Variants in COL4A3 observed in about 807,000 individuals in gnomAD.
The protein encoded by COL4A3 is collagen alpha-3(IV) chain.
In COL4A3, 135 loss-of-function variants were observed where a neutral mutation model predicts 217.4. That is an observed-to-expected ratio of 0.62 (90% confidence interval 0.54 to 0.72). The LOEUF (loss-of-function observed/expected upper bound fraction) is 0.72, where lower values mean the gene tolerates loss of function less well. Ranked by LOEUF, COL4A3 falls within the 30% of genes least tolerant of loss-of-function variation. COL4A3 has a pLI of 0.00. For missense variants in COL4A3, 1,868 were observed against 2,119.9 expected (o/e 0.88, Z 2.33); for synonymous variants, 690 against 736.3 (o/e 0.94, Z 1.02).
At position 227,294,033 on chromosome 2, in the gene COL4A3, CTG is replaced by C. The variant is rs146225577; in HGVS notation, c.3338-454_3338-453del. The stretch of plus-strand genomic sequence containing the variant: ...GGACAACACAATTCAAACTACAACA[CTG>C]TGCTGTGACTCTTTTTCGAACCCAT... On this transcript the variant is annotated intron_variant, in intron 38 of 51. Transcript: ENST00000396578. The C allele has an allele frequency of 2.3e-3, 696 of 307,492 alleles. 3 individuals are homozygous for C. The highest frequency in any genetic ancestry group is 0.014 in the African/African-American group (637 of 45,420). The allele number at this position is 307,492 out of a possible 1,614,324, so 19.0% of individuals were successfully genotyped here.
chr2:227,238,413 CAG>C (rs553666898), intron 2 of COL4A3, among the ~76,000 whole-genome samples: 1 of 152,162 alleles, frequency 6.6e-6, no homozygotes, highest in Non-Finnish European at 1.5e-5. Context: ...TTGAAATTCA[CAG>C]ATTTTTGTCC....
rs1377112035 is a variant in COL4A3 at position 227,309,300 on chromosome 2, A to G, written c.4737A>G (p.Lys1579=). Residue 1579 remains lysine (K), a synonymous_variant, in exon 50 of 52, where the codon AAA becomes AAG. Coordinates refer to ENST00000396578, the MANE Select transcript of COL4A3 (RefSeq NM_000091.5). ...PCPHGWISLW[K]GFSFIMFTSA... is the part of the protein sequence containing the mutation. The stretch of plus-strand genomic sequence containing the variant: ...CTCACGGCTGGATTTCTCTCTGGAA[A>G]GGATTTTCATTCATCATGGTGAGGA... 6.2e-7 allele frequency: 1 copy of G among 1,613,988 alleles called. No homozygotes were observed. Among genetic ancestry groups the G allele is most frequent in the East Asian group, 2.2e-5 (1 of 44,886 alleles).
chr2:227,199,799 A>G (rs1387793968), intron 1 of COL4A3, among the ~76,000 whole-genome samples: 2 of 152,046 alleles, frequency 1.3e-5, no homozygotes, highest in Non-Finnish European at 1.5e-5. Flanking sequence ...TGTGCTTTTA[A>G]CATGCATAGT....
chr2:227,242,073 C>T (rs759189864), intron 3 of COL4A3, among the ~76,000 whole-genome samples: 1 of 152,194 alleles, frequency 6.6e-6, no homozygotes, highest in Non-Finnish European at 1.5e-5. Context: ...ACATTAAATA[C>T]CTGGGGTTAG....
chr2:227,204,081 A>G (rs914710831), intron 1 of COL4A3, among the ~76,000 whole-genome samples: 2 of 152,148 alleles, frequency 1.3e-5, no homozygotes, highest in Admixed American at 6.5e-5. Flanking sequence ...GAACAGCACT[A>G]ATATTAAGTG....
intron 1 of COL4A3, among the ~76,000 whole-genome samples, chr2:227,217,541 T>C (rs1200952161): frequency 2.0e-5 from 3 of 152,342 alleles, no homozygotes; most frequent in South Asian, 4.1e-4. Flanking sequence ...GTTTGGGCTA[T>C]AGAAAAAGCT....
intron 1 of COL4A3, among the ~76,000 whole-genome samples, chr2:227,200,190 G>A (rs1035454858): frequency 6.6e-6 from 1 of 152,142 alleles, no homozygotes; most frequent in South Asian, 2.1e-4. Context: ...GAACAGGAAC[G>A]AAGTTTGTAT....
chr2:227,280,987 TG>T lies in COL4A3; in HGVS notation c.2471del (p.Gly824AspfsTer2). ...RGAQGLPGLN[G>X]LKGQQGRRGK... ...GAGCCCAAGGACTTCCAGGCTTAAA[TG>T]GATTGAAAGGGCAACAAGGTAGGAG... On this transcript the variant is annotated frameshift_variant, in exon 31 of 52. Transcript: ENST00000396578. LOFTEE classifies it high-confidence loss of function. 1.3e-6 allele frequency: 2 copies of T among 1,562,924 alleles called. No individual in the cohort carries two copies. The highest frequency in any genetic ancestry group is 1.7e-6 in the Non-Finnish European group (2 of 1,153,014).
intron 2 of COL4A3, 151 bp downstream of exon 2, chr2:227,238,175 C>T: frequency 2.4e-6 from 1 of 410,914 alleles, no homozygotes; most frequent in South Asian, 3.1e-5. Flanking sequence ...AAACATTAAC[C>T]TAAAAAAAAA....
chr2:227,307,418 C>A (rs1183430019), intron 47 of COL4A3, among the ~76,000 whole-genome samples: 1 of 152,092 alleles, frequency 6.6e-6, no homozygotes, highest in African/African-American at 2.4e-5. Context: ...TACATAAGAC[C>A]TACCAGATGC....
At chr2:227,212,005 T>C (rs1294200613) in intron 1 of COL4A3, among the ~76,000 whole-genome samples, 4 of 152,150 alleles carry the variant, frequency 2.6e-5, no homozygotes, top group Admixed American at 2.6e-4. Context: ...ACTTTTAGCT[T>C]TTGCCAAAAT....
intron 1 of COL4A3, among the ~76,000 whole-genome samples, chr2:227,215,510 G>A (rs2067493761): frequency 6.6e-6 from 1 of 152,152 alleles, no homozygotes; most frequent in Non-Finnish European, 1.5e-5. Flanking sequence ...CCAGGCTGGA[G>A]TGTGGTGGCA....
At chr2:227,226,266 G>T (rs886725318) in intron 1 of COL4A3, among the ~76,000 whole-genome samples, 1 of 152,108 alleles carries the variant, frequency 6.6e-6, no homozygotes, top group Admixed American at 6.5e-5. Context: ...TGGACTAGAG[G>T]ATCTGCTGGG....
Position 227,170,612 on chromosome 2 carries a change from T to C in COL4A3, c.87+5799T>C, listed in dbSNP as rs562790362. Among the ~76,000 whole-genome samples, 5 of 151,736 alleles carry C rather than the reference T, an allele frequency of 3.3e-5. No homozygotes were observed. The East Asian group carries it at 5.8e-4, about 18-fold the overall frequency. On this transcript the variant is annotated intron_variant, in intron 1 of 51. Coordinates refer to ENST00000396578, the MANE Select transcript of COL4A3 (RefSeq NM_000091.5). Reference sequence around the variant, plus strand: ...CCCACCGAGTCCCTCCCACAACACATAGGAATTATGGGAGCTACAATTCAA... The same window carrying C: ...CCCACCGAGTCCCTCCCACAACACACAGGAATTATGGGAGCTACAATTCAA...
At chr2:227,241,300 C>G (rs909200953) in intron 3 of COL4A3, among the ~76,000 whole-genome samples, 5 of 152,182 alleles carry the variant, frequency 3.3e-5, no homozygotes, top group Non-Finnish European at 5.9e-5. Context: ...CTCCAGCAAG[C>G]TATAAACCAA....
At chr2:227,212,046 A>T (rs2396450) in intron 1 of COL4A3, among the ~76,000 whole-genome samples, 124,383 of 152,132 alleles carry the variant, frequency 0.82, 51,965 homozygotes, top group Non-Finnish European at 0.91. Context: ...TGAGTTTGGG[A>T]TAAATGTGCA....
chr2:227,298,639 A>G, intron 42 of COL4A3, 43 bp from the exon 43 acceptor site: 1 of 1,611,968 alleles, frequency 6.2e-7, no homozygotes, highest in East Asian at 2.2e-5. Context: ...GAACCTTCCA[A>G]GCTCCCTGGC....
chr2:227,308,938 C>A lies in COL4A3; in HGVS notation c.4502C>A (p.Pro1501Gln), dbSNP rs1553766363. The A allele has an allele frequency of 1.9e-6, 3 of 1,614,160 alleles. No homozygotes were observed. Among genetic ancestry groups the A allele is most frequent in the Non-Finnish European group, 2.5e-6 (3 of 1,180,028 alleles). ...GSCLQRFTTM[P>Q]FLFCNVNDVC... ...TGCCTGCAGCGATTTACCACAATGC[C>A]ATTCTTATTCTGCAATGTCAATGAT... The change falls in exon 49 of 52, where the codon CCA (proline) becomes CAA (glutamine). Residue 1501 changes from proline to glutamine, a missense_variant. Transcript: ENST00000396578.
intron 39 of COL4A3, 98 bp from the exon 40 acceptor site, chr2:227,294,866 A>ATTAGGC: frequency 1.1e-6 from 1 of 938,848 alleles, no homozygotes; most frequent in Non-Finnish European, 1.7e-6. Context: ...ACAATTCCAC[A>ATTAGGC]CATCTCCCTG....
Sources: gnomAD v4.1 joint callset for allele counts (sites outside exome capture counted in the v4.1 genomes callset) on GRCh38, gnomAD v4.1.1 for gene constraint, MANE v1.5 for transcripts, NCBI Gene and HGNC (gene_info 2026-07-23, HGNC 2026-07-21) for gene names.